OR2AK2: variants seen among roughly 807,000 people sequenced by gnomAD.
The protein encoded by OR2AK2 is olfactory receptor family 2 subfamily AK member 2.
For missense variants in OR2AK2, 392 were observed against 384.1 expected (o/e 1.02, Z -0.17); for synonymous variants, 139 against 147.2 (o/e 0.94, Z 0.40).
chr1:247,966,168 C>T, exon 1 of OR2AK2: 1 of 1,614,144 alleles, frequency 6.2e-7, no homozygotes, highest in Non-Finnish European at 8.5e-7. Context: ...GGCCACACTC[C>T]TTGCGTTCCC....
rs150574566 is a variant in OR2AK2, at chr1:247,965,594, A to T, written c.218A>T (p.Tyr73Phe). The change falls in exon 1 of 1, where the codon TAC becomes TTC. Residue 73 changes from tyrosine (Y) to phenylalanine (F), a missense_variant. Coordinates refer to ENST00000366480, the Ensembl canonical transcript of OR2AK2. ...CAGCTCTCCATCGTTGACCTCATGT[A>T]CATCTCCACCACAGTGCCCAAGATG... 4.1e-5 allele frequency: 65 copies of T among 1,586,648 alleles called. No homozygotes were observed. Among genetic ancestry groups the T allele is most frequent in the Non-Finnish European group, 5.4e-5 (63 of 1,166,746 alleles).
At chr1:247,965,297 T>G in exon 1 of OR2AK2, 1 of 1,448,456 alleles carries the variant, frequency 6.9e-7, no homozygotes. Flanking sequence ...TGCCATGTCA[T>G]TTTACTTTCT....
rs548462465 is a variant in OR2AK2 at position 247,966,139 on chromosome 1, A to C, written c.763A>C (p.Thr255Pro). 4 of 1,613,622 alleles carry C rather than the reference A, an allele frequency of 2.5e-6. No individual in the cohort carries two copies. The South Asian group carries it at 3.3e-5, about 13-fold the overall frequency. Residue 255 changes from threonine (T) to proline (P), a missense_variant, in exon 1 of 1, where the codon ACT (threonine) becomes CCT (proline). Coordinates refer to ENST00000366480, the Ensembl canonical transcript of OR2AK2. The stretch of plus-strand genomic sequence containing the variant: ...TGTGGCAAGCCTGTTCTATGCAACC[A>C]CTCTCTTTACCTACACAAGGCCACA...
exon 1 of OR2AK2, chr1:247,965,986 C>T: frequency 6.2e-7 from 1 of 1,611,376 alleles, no homozygotes; most frequent in African/African-American, 1.3e-5. Flanking sequence ...CCTGAGTGGA[C>T]TTATTATCTT....
At chr1:247,965,250 T>TA (rs1308308389) in exon 1 of OR2AK2, 1 of 1,142,276 alleles carries the variant, frequency 8.8e-7, no homozygotes, top group East Asian at 2.7e-5. Flanking sequence ...AACATGTAGA[T>TA]AGTTGCCAAA....
At chr1:247,966,289 T>C (rs1660974515) in exon 1 of OR2AK2, 2 of 1,613,762 alleles carry the variant, frequency 1.2e-6, no homozygotes, top group South Asian at 2.2e-5. Context: ...GAGGAGACTG[T>C]TGGGATATTG....
chr1:247,965,373 A>G (rs749016643), exon 1 of OR2AK2: 1 of 1,605,754 alleles, frequency 6.2e-7, no homozygotes, highest in Non-Finnish European at 8.5e-7. Context: ...TTTTGGTTTC[A>G]GCCATGAAAA....
exon 1 of OR2AK2, chr1:247,965,710 G>A (rs777471089): frequency 2.4e-5 from 38 of 1,555,538 alleles, no homozygotes; most frequent in Non-Finnish European, 3.2e-5. Context: ...TGGAACTGAA[G>A]CCCTTCTCCT....
chr1:247,966,172 C>T (rs143782385), exon 1 of OR2AK2: 13 of 1,614,094 alleles, frequency 8.1e-6, no homozygotes, highest in African/African-American at 4.0e-5. Context: ...ACACTCCTTG[C>T]GTTCCCCTTC....
exon 1 of OR2AK2, chr1:247,965,349 C>T (rs758395016): frequency 2.3e-5 from 37 of 1,586,232 alleles, no homozygotes; most frequent in African/African-American, 5.4e-5. Flanking sequence ...TTTCAGATGT[C>T]ATCTCCTTTG....
chr1:247,965,288 G>A lies in OR2AK2; in HGVS notation c.-89G>A, dbSNP rs74153214. On this transcript the variant is annotated 5_prime_UTR_variant, in exon 1 of 1. It removes an upstream start codon present in the reference 5' UTR. Coordinates refer to ENST00000366480, the Ensembl canonical transcript of OR2AK2. ...TGTAAGTGAATATTTATTTCTGAATGCCATGTCATTTTACTTTCTCTTAAG... is the reference window on the plus strand; with the variant it reads ...TGTAAGTGAATATTTATTTCTGAATACCATGTCATTTTACTTTCTCTTAAG... 1.4e-3 allele frequency: 1,921 copies of A among 1,394,402 alleles called. 24 individuals carry two copies. The African/African-American group carries it at 0.023, about 16-fold the overall frequency. 86.4% of individuals were successfully genotyped at this position (1,394,402 alleles called of 1,614,324 possible). A position where few individuals can be genotyped will look rare whatever the true frequency, so the allele number is the denominator to read the frequency against.
At chr1:247,966,334 T>A (rs780249953) in exon 1 of OR2AK2, 1 of 1,608,200 alleles carries the variant, frequency 6.2e-7, no homozygotes, top group South Asian at 1.1e-5. Context: ...CAGATCTCTG[T>A]ATTGATTGAG....
exon 1 of OR2AK2, chr1:247,965,831 G>A: frequency 1.2e-6 from 2 of 1,613,176 alleles, no homozygotes; most frequent in Non-Finnish European, 1.7e-6. Context: ...TGGGCCAGTG[G>A]TTCTATCAAT....
At position 247,965,730 on chromosome 1, in the gene OR2AK2, G is replaced by GA; in HGVS notation, c.354_355insA (p.Ser119IlefsTer3). ...CTGAAGCCCTTCTCCTTGGTTTTAT[G>GA]TCTTATGATCGCTATGTAGCTATCT... On this transcript the variant is annotated frameshift_variant, in exon 1 of 1. Transcript: ENST00000366480. LOFTEE classifies it low-confidence loss of function (END_TRUNC). The GA allele has an allele frequency of 6.4e-7, 1 of 1,560,352 alleles. No individual in the cohort carries two copies. Among genetic ancestry groups the GA allele is most frequent in the Non-Finnish European group, 8.7e-7 (1 of 1,155,804 alleles).
At chr1:247,966,372 A>G (rs1051510564) in exon 1 of OR2AK2, 23 of 1,568,478 alleles carry the variant, frequency 1.5e-5, no homozygotes, top group Non-Finnish European at 1.9e-5. Context: ...GCTGTTCCTG[A>G]AAACTATCTG....
chr1:247,965,287 T>C lies in OR2AK2; in HGVS notation c.-90T>C. On this transcript the variant is annotated 5_prime_UTR_variant, in exon 1 of 1. It removes an upstream start codon present in the reference 5' UTR. Coordinates refer to ENST00000366480, the Ensembl canonical transcript of OR2AK2. ...ATGTAAGTGAATATTTATTTCTGAA[T>C]GCCATGTCATTTTACTTTCTCTTAA... 7.2e-7 allele frequency: 1 copy of C among 1,394,356 alleles called. No homozygotes were observed. Among genetic ancestry groups the C allele is most frequent in the Middle Eastern group, 1.9e-4 (1 of 5,336 alleles). 86.4% of individuals were successfully genotyped at this position (1,394,356 alleles called of 1,614,324 possible).
rs754971387 is a variant in OR2AK2 at position 247,965,760 on chromosome 1, C to T, written c.384C>T (p.His128=). The T allele has an allele frequency of 1.8e-5, 29 of 1,579,326 alleles. No homozygotes were observed. In the East Asian group the frequency reaches 6.1e-4, roughly 33 times the overall value. Residue 128 remains histidine, a synonymous_variant, in exon 1 of 1, where the codon CAC becomes CAT. Transcript: ENST00000366480. ...ATGATCGCTATGTAGCTATCTGTCACCCTTTACATTATCCTATGCTTATGA... is the reference window on the plus strand; with the variant it reads ...ATGATCGCTATGTAGCTATCTGTCATCCTTTACATTATCCTATGCTTATGA...
exon 1 of OR2AK2, chr1:247,966,058 A>G: frequency 6.2e-7 from 1 of 1,614,164 alleles, no homozygotes; most frequent in Non-Finnish European, 8.5e-7. Context: ...GGTATTCCAG[A>G]TGAGCTCAGG....
exon 1 of OR2AK2, chr1:247,965,356 T>G: frequency 1.3e-6 from 2 of 1,598,394 alleles, no homozygotes; most frequent in South Asian, 2.3e-5. Context: ...TGTCATCTCC[T>G]TTGATATTTT....
Sources: gnomAD v4.1 joint callset for allele counts on GRCh38, gnomAD v4.1.1 for gene constraint, MANE v1.5 for transcripts, NCBI Gene and HGNC (gene_info 2026-07-23, HGNC 2026-07-21) for gene names.